Variants in REG4 observed in about 807,000 individuals in gnomAD.
The protein encoded by REG4 is regenerating family member 4.
A neutral mutation model predicts 22.3 loss-of-function variants in REG4; 16 were observed. That is an observed-to-expected ratio of 0.72 (90% CI 0.49 to 1.09). The LOEUF (loss-of-function observed/expected upper bound fraction) is 1.09. Ranked by LOEUF, REG4 falls within the 50% of genes least tolerant of loss-of-function variation. The pLI is 0.00. For missense variants in REG4, 214 were observed against 193.9 expected, an observed-to-expected ratio of 1.10 and a Z score of -0.61; for synonymous variants, 71 against 69.2, an observed-to-expected ratio of 1.03 and a Z score of -0.13.
Position 119,794,468 on chromosome 1 carries a change from T to C in REG4, c.*150A>G. On this transcript the variant is annotated 3_prime_UTR_variant, in exon 6 of 6. Coordinates refer to ENST00000256585, the MANE Select transcript of REG4 (RefSeq NM_032044.4). ...TACTGGGCCAATGCTAAAGTTTCTG[T>C]CTCTAAGCCTAAAAAAGCCAGTGTA... is the stretch of plus-strand genomic sequence containing the variant. The C allele has an allele frequency of 1.4e-6, 1 of 731,056 alleles. No individual in the cohort carries two copies. Among genetic ancestry groups the C allele is most frequent in the Non-Finnish European group, 2.4e-6 (1 of 411,954 alleles). The allele number at this position is 731,056 out of a possible 1,614,324, so 45.3% of individuals were successfully genotyped here.
At chr1:119,799,687 T>C in intron 4 of REG4, 38 bp downstream of exon 4, 1 of 1,600,594 alleles carries the variant, frequency 6.2e-7, no homozygotes. Flanking sequence ...CCAGCCTGGC[T>C]TTCCCAAGAG....
chr1:119,808,919 A>G, intron 1 of REG4, 56 bp from the exon 2 acceptor site: 1 of 545,620 alleles, frequency 1.8e-6, no homozygotes, highest in East Asian at 3.2e-5. Flanking sequence ...CAACTAATAC[A>G]TATGGAGGAA....
chr1:119,799,670 G>A (rs1471467152), intron 4 of REG4, 55 bp downstream of exon 4: 11 of 1,592,758 alleles, frequency 6.9e-6, no homozygotes, highest in South Asian at 1.1e-5. Flanking sequence ...TCCCCAAAAA[G>A]AGGATGCCAG....
At chr1:119,806,072 C>G (rs920949443) in intron 2 of REG4, among the ~76,000 whole-genome samples, 3 of 152,300 alleles carry the variant, frequency 2.0e-5, no homozygotes, top group African/African-American at 7.2e-5. Context: ...GCTGGGACTA[C>G]AGGCGAGCAC....
intron 4 of REG4, among the ~76,000 whole-genome samples, chr1:119,799,175 A>G (rs1044374706): frequency 9.9e-5 from 15 of 152,164 alleles, no homozygotes; most frequent in Non-Finnish European, 1.5e-4. Flanking sequence ...GAATCTGTGA[A>G]CTGAAGACCC....
chr1:119,810,802 C>T (rs1045386248), intron 1 of REG4, among the ~76,000 whole-genome samples: 2 of 152,140 alleles, frequency 1.3e-5, no homozygotes, highest in Admixed American at 6.5e-5. Flanking sequence ...GCTGAAATCC[C>T]AGCACTTTGA....
At chr1:119,808,466 A>G (rs943089206) in intron 2 of REG4, among the ~76,000 whole-genome samples, 3 of 152,256 alleles carry the variant, frequency 2.0e-5, no homozygotes, top group Non-Finnish European at 4.4e-5. Flanking sequence ...CCAAATTAAT[A>G]TTATAACTTA....
chr1:119,794,884 T>C (rs968145218), intron 5 of REG4, among the ~76,000 whole-genome samples, 199 bp from the exon 6 acceptor site: 26 of 152,190 alleles, frequency 1.7e-4, no homozygotes, highest in Admixed American at 1.2e-3. Context: ...TAACAATCAG[T>C]AGACTTTGAG....
intron 3 of REG4, 96 bp from the exon 4 acceptor site, chr1:119,799,958 C>T (rs587669560): frequency 6.8e-6 from 10 of 1,471,288 alleles, no homozygotes; most frequent in South Asian, 5.0e-5. Flanking sequence ...GGGACTCACG[C>T]AGCCCCCACT....
intron 3 of REG4, 86 bp downstream of exon 3, chr1:119,802,982 C>T: frequency 6.3e-7 from 1 of 1,591,486 alleles, no homozygotes; most frequent in Non-Finnish European, 8.6e-7. Flanking sequence ...AGGAAGGACA[C>T]TTGATCCTGA....
Position 119,799,757 on chromosome 1 carries a change from G to T in REG4, c.271C>A (p.Pro91Thr). 6.2e-7 allele frequency: 1 copy of T among 1,614,082 alleles called. No individual in the cohort carries two copies. The highest frequency in any genetic ancestry group is 1.3e-5 in the African/African-American group (1 of 75,054). The change falls in exon 4 of 6, where the codon CCG becomes ACG. Residue 91 changes from proline to threonine, a missense_variant. By Grantham distance (38) the Pro-to-Thr change is conservative. Coordinates refer to ENST00000256585, the MANE Select transcript of REG4 (RefSeq NM_032044.4). ...EYISGYQRSQ[P>T]IWIGLHDPQK... ...GGGTCGTGCAGGCCAATCCATATCG[G>T]CTGGCTTCTCTGATAGCCACTTATG...
intron 2 of REG4, among the ~76,000 whole-genome samples, chr1:119,807,733 A>T (rs1003136147): frequency 2.6e-5 from 4 of 152,306 alleles, no homozygotes; most frequent in Non-Finnish European, 4.4e-5. Context: ...GAGCCATGAA[A>T]GACATATTAG....
intron 1 of REG4, among the ~76,000 whole-genome samples, chr1:119,809,866 G>A (rs1196980109): frequency 6.6e-6 from 1 of 151,846 alleles, no homozygotes; most frequent in Non-Finnish European, 1.5e-5. Flanking sequence ...GGCTAATTTT[G>A]GTATATTAAA....
chr1:119,804,500 A>G (rs1045611423), intron 2 of REG4, among the ~76,000 whole-genome samples: 1 of 152,206 alleles, frequency 6.6e-6, no homozygotes, highest in African/African-American at 2.4e-5. Context: ...ATGAATAATG[A>G]CCAACCTAAC....
chr1:119,802,483 T>C, intron 3 of REG4: 1 of 1,022,514 alleles, frequency 9.8e-7, no homozygotes, highest in Non-Finnish European at 1.2e-6. Context: ...CCCCAATTAA[T>C]CACAATTCAG....
At chr1:119,808,223 T>C (rs1279719035) in intron 2 of REG4, among the ~76,000 whole-genome samples, 1 of 152,222 alleles carries the variant, frequency 6.6e-6, no homozygotes, top group Admixed American at 6.5e-5. Flanking sequence ...ACAATATTGC[T>C]ACCCACTTTG....
At chr1:119,797,016 T>C (rs1048983908) in intron 5 of REG4, among the ~76,000 whole-genome samples, 1 of 152,220 alleles carries the variant, frequency 6.6e-6, no homozygotes, top group Non-Finnish European at 1.5e-5. Flanking sequence ...ATCCCTGATA[T>C]TGGTATTTTT....
At chr1:119,806,727 C>T (rs587709033) in intron 2 of REG4, among the ~76,000 whole-genome samples, 17 of 152,202 alleles carry the variant, frequency 1.1e-4, no homozygotes, top group African/African-American at 3.9e-4. Flanking sequence ...TGCTAGAGCT[C>T]GTCATCTCTA....
intron 3 of REG4, among the ~76,000 whole-genome samples, chr1:119,800,116 G>A (rs1455402321): frequency 6.6e-6 from 1 of 152,140 alleles, no homozygotes; most frequent in Non-Finnish European, 1.5e-5. Flanking sequence ...CCGGGGTCCT[G>A]GTCTTGCCTC....
Sources: allele counts gnomAD v4.1 joint callset (sites outside exome capture counted in the v4.1 genomes callset), GRCh38; gene constraint gnomAD v4.1.1; transcripts MANE v1.5; gene names NCBI Gene and HGNC (gene_info 2026-07-23, HGNC 2026-07-21).